The following MECOM variants were observed in gnomAD, a reference collection of about 807,000 sequenced individuals.
The protein encoded by MECOM is histone-lysine N-methyltransferase MECOM.
In MECOM, 13 loss-of-function variants were observed where a neutral mutation model predicts 116.3. The ratio of observed to expected loss-of-function variants is 0.11; its 90% confidence interval spans 0.07 to 0.18. The LOEUF is 0.18. MECOM is among the 10% of genes least tolerant of loss of function. MECOM has a pLI of 1.00. For missense variants in MECOM, 1,299 were observed against 1,509.0 expected (o/e 0.86, Z 2.31); for synonymous variants, 528 against 535.2 (o/e 0.99, Z 0.19).
chr3:169,191,700 AAAAG>A (rs1353029939), intron 2 of MECOM, among the ~76,000 whole-genome samples: 2 of 86,894 alleles, frequency 2.3e-5, no homozygotes, highest in Admixed American at 1.1e-4. Context: ...AAAGAGATAG[AAAAG>A]AAAGAAAGAA....
At chr3:169,399,145 G>A (rs1008673880) in intron 1 of MECOM, among the ~76,000 whole-genome samples, 3 of 152,124 alleles carry the variant, frequency 2.0e-5, no homozygotes, top group African/African-American at 7.2e-5. Context: ...TTAGGGCAAG[G>A]GCTGTGTTTC....
intron 1 of MECOM, among the ~76,000 whole-genome samples, chr3:169,590,937 A>G (rs905613880): frequency 2.0e-5 from 3 of 152,240 alleles, no homozygotes; most frequent in Non-Finnish European, 2.9e-5. Context: ...AAGGACAACT[A>G]GTAGCAGGCC....
At chr3:169,414,915 A>G (rs1268003898) in intron 1 of MECOM, among the ~76,000 whole-genome samples, 1 of 152,210 alleles carries the variant, frequency 6.6e-6, no homozygotes, top group Non-Finnish European at 1.5e-5. Context: ...TGATGGGCAT[A>G]CCTGAAAATG....
chr3:169,418,270 C>CA (rs1739069987), intron 1 of MECOM, among the ~76,000 whole-genome samples: 1 of 151,684 alleles, frequency 6.6e-6, no homozygotes, highest in Non-Finnish European at 1.5e-5. Flanking sequence ...GGCTACCAAC[C>CA]AAAAAAAGCC....
At chr3:169,258,301 T>A (rs1288254449) in intron 2 of MECOM, among the ~76,000 whole-genome samples, 1 of 152,120 alleles carries the variant, frequency 6.6e-6, no homozygotes, top group African/African-American at 2.4e-5. Flanking sequence ...TATAGAACTA[T>A]AGAAAGATCT....
intron 2 of MECOM, among the ~76,000 whole-genome samples, chr3:169,285,721 G>A (rs1713149266): frequency 6.6e-6 from 1 of 152,184 alleles, no homozygotes; most frequent in Non-Finnish European, 1.5e-5. Flanking sequence ...TAGATAGGCT[G>A]CACAATCCGT....
intron 1 of MECOM, among the ~76,000 whole-genome samples, chr3:169,382,185 CG>C (rs1292593380): frequency 3.9e-5 from 6 of 152,032 alleles, no homozygotes; most frequent in African/African-American, 1.4e-4. Flanking sequence ...ACGCTAAAAT[CG>C]TTAAAGAAAT....
intron 2 of MECOM, among the ~76,000 whole-genome samples, chr3:169,267,355 A>G (rs1758436714): frequency 6.6e-6 from 1 of 152,190 alleles, no homozygotes. Flanking sequence ...CTTTCCATAG[A>G]CCGTATGGCC....
chr3:169,663,227 GGGCCCCGGCGCAAGA>G (rs1332472928), intron 1 of MECOM, 94 bp downstream of exon 1: 4 of 1,329,118 alleles, frequency 3.0e-6, no homozygotes, highest in Non-Finnish European at 4.2e-6. Context: ...CCTCCACCCG[GGGCCCCGGCGCAAGA>G]GGCAGCCCGC....
chr3:169,415,193 A>C (rs1738339421), intron 1 of MECOM, among the ~76,000 whole-genome samples: 2 of 152,210 alleles, frequency 1.3e-5, no homozygotes, highest in African/African-American at 4.8e-5. Flanking sequence ...TCTCTGCAGA[A>C]ACCCTACAAG....
intron 2 of MECOM, among the ~76,000 whole-genome samples, chr3:169,378,474 C>A (rs150479721): frequency 0.059 from 1,599 of 26,982 alleles, 152 homozygotes; most frequent in East Asian, 0.21. Flanking sequence ...AGCAAGCAAG[C>A]AAGAAAGAGA....
intron 10 of MECOM, among the ~76,000 whole-genome samples, chr3:169,105,495 T>C (rs891358036): frequency 6.6e-6 from 1 of 152,054 alleles, no homozygotes; most frequent in Non-Finnish European, 1.5e-5. Flanking sequence ...TTGGAATAAA[T>C]GGAACAGAAT....
At chr3:169,540,756 G>A (rs1244420131) in intron 1 of MECOM, among the ~76,000 whole-genome samples, 1 of 152,098 alleles carries the variant, frequency 6.6e-6, no homozygotes, top group Non-Finnish European at 1.5e-5. Context: ...CACATTTCAT[G>A]TTCTTTCAGG....
intron 2 of MECOM, among the ~76,000 whole-genome samples, chr3:169,213,701 A>C (rs1027314136): frequency 6.6e-6 from 1 of 152,112 alleles, no homozygotes; most frequent in Non-Finnish European, 1.5e-5. Context: ...ATGTTTTGGT[A>C]CTCTTTAAAG....
chr3:169,451,357 T>C (rs1745563175), intron 1 of MECOM, among the ~76,000 whole-genome samples: 2 of 152,190 alleles, frequency 1.3e-5, no homozygotes, highest in East Asian at 1.9e-4. Context: ...AGAACTCTAC[T>C]TGTAAAAATG....
rs373032374 is a variant in MECOM at position 169,385,803 on chromosome 3, T to G, written c.38-4279A>C. ...TCCCTCAGCTATAACTATAGTTAAT[T>G]AAAGCATTTCTCAGATATCACACTG... On this transcript the variant is annotated intron_variant, in intron 1 of 16. Transcript: ENST00000651503. Among the ~76,000 whole-genome samples the G allele has an allele frequency of 2.7e-4, 41 of 152,320 alleles. No individual in the cohort carries two copies. The East Asian group carries it at 6.9e-3, about 26-fold the overall frequency.
chr3:169,086,408 T>C (rs1717756975), intron 16 of MECOM: 3 of 606,768 alleles, frequency 4.9e-6, no homozygotes, highest in Non-Finnish European at 8.8e-6. Context: ...AAGAGTACTC[T>C]GAAAGAGTTA....
chr3:169,106,413 C>T (rs912254908), intron 10 of MECOM, among the ~76,000 whole-genome samples: 4 of 151,978 alleles, frequency 2.6e-5, no homozygotes, highest in African/African-American at 9.7e-5. Context: ...AATATTCATC[C>T]CCTCAAGCAT....
At chr3:169,486,499 T>G (rs914992869) in intron 1 of MECOM, among the ~76,000 whole-genome samples, 1 of 151,950 alleles carries the variant, frequency 6.6e-6, no homozygotes, top group Non-Finnish European at 1.5e-5. Flanking sequence ...ATGATCAGAA[T>G]CTCCTTTGAG....
Sources: allele counts gnomAD v4.1 joint callset (sites outside exome capture counted in the v4.1 genomes callset), GRCh38; gene constraint gnomAD v4.1.1; transcripts MANE v1.5; gene names NCBI Gene and HGNC (gene_info 2026-07-23, HGNC 2026-07-21).